The following COLGALT1 variants were observed in gnomAD, a reference collection of about 807,000 sequenced individuals.
COLGALT1 encodes procollagen galactosyltransferase 1.
In COLGALT1, 43 loss-of-function variants were observed where a neutral mutation model predicts 60.8. The ratio of observed to expected loss-of-function variants is 0.71; its 90% CI spans 0.55 to 0.91. COLGALT1 has a LOEUF of 0.91. Ranked by LOEUF, COLGALT1 falls within the 40% of genes least tolerant of loss-of-function variation. COLGALT1 has a pLI of 0.00. For synonymous variants in COLGALT1, 369 were observed against 374.2 expected, an observed-to-expected ratio of 0.99 and a Z score of 0.16; for missense variants, 845 against 880.0, an observed-to-expected ratio of 0.96 and a Z score of 0.50.
At chr19:17,558,567 A>G (rs553338242) in intron 1 of COLGALT1, among the ~76,000 whole-genome samples, 190 of 151,212 alleles carry the variant, frequency 1.3e-3, no homozygotes, top group Non-Finnish European at 2.1e-3. Flanking sequence ...AATCCCAGCT[A>G]CTCGGGAGGC....
chr19:17,577,732 T>C (rs935203597), intron 8 of COLGALT1, among the ~76,000 whole-genome samples: 4 of 150,874 alleles, frequency 2.7e-5, no homozygotes, highest in Admixed American at 1.3e-4. Flanking sequence ...TGGTGGGGAC[T>C]GTGGAGGGGT....
chr19:17,557,648 C>A (rs1003570537), intron 1 of COLGALT1, among the ~76,000 whole-genome samples: 4 of 152,124 alleles, frequency 2.6e-5, no homozygotes, highest in Admixed American at 2.6e-4. Context: ...GTCGCCCAGG[C>A]GGGAGTGCAG....
At chr19:17,571,914 G>A (rs2076314983) in intron 5 of COLGALT1, 1 of 152,314 alleles carries the variant, frequency 6.6e-6, no homozygotes, top group Non-Finnish European at 1.5e-5. Flanking sequence ...TGCCATCATA[G>A]CTCATGGCAG....
chr19:17,571,589 G>A (rs565262374), intron 5 of COLGALT1, among the ~76,000 whole-genome samples: 1 of 151,562 alleles, frequency 6.6e-6, no homozygotes, highest in South Asian at 2.1e-4. Context: ...GTGGTGGCGG[G>A]TGCCTGTAAT....
At chr19:17,565,558 T>C (rs2076275440) in intron 3 of COLGALT1, among the ~76,000 whole-genome samples, 1 of 151,736 alleles carries the variant, frequency 6.6e-6, no homozygotes, top group African/African-American at 2.4e-5. Flanking sequence ...TAATCCCAGC[T>C]ACTCAGGAGG....
chr19:17,582,904 C>G lies in COLGALT1; in HGVS notation c.*1460C>G, dbSNP rs917495781. 1.3e-5 allele frequency: 2 copies of G among 152,500 alleles called. No individual in the cohort carries two copies. Among genetic ancestry groups the G allele is most frequent in the African/African-American group, 4.8e-5 (2 of 41,470 alleles). 9.4% of individuals were successfully genotyped at this position (152,500 alleles called of 1,614,324 possible). A position where few individuals can be genotyped will look rare whatever the true frequency, so the allele number is the denominator to read the frequency against. On this transcript the variant is annotated 3_prime_UTR_variant, in exon 12 of 12. Transcript: ENST00000252599. ...GTGCTTTACCTCCTTGCCCTTGTGT[C>G]TCAGGTGTGGTCCCTGCCTGCTTGA... is the stretch of plus-strand genomic sequence containing the variant.
chr19:17,561,386 A>T (rs879275478), intron 3 of COLGALT1, among the ~76,000 whole-genome samples: 1 of 151,408 alleles, frequency 6.6e-6, no homozygotes, highest in Non-Finnish European at 1.5e-5. Context: ...TGGCCGTGTC[A>T]CGTCTGTTTT....
rs138875135 is a variant in COLGALT1, at chr19:17,572,490, G to C, written c.837G>C (p.Gln279His). The change falls in exon 6 of 12, where the codon CAG becomes CAC. Residue 279 changes from glutamine (Q) to histidine (H), a missense_variant. Coordinates refer to ENST00000252599, the MANE Select transcript of COLGALT1 (RefSeq NM_024656.4). ...FAFSCKQAEV[Q>H]MYVCNKEEYG... ...CTTCCCTGCCCACTGCAGAGGTTCA[G>C]ATGTATGTGTGCAACAAGGAGGAGT... 7.4e-5 allele frequency: 119 copies of C among 1,614,122 alleles called. 1 individual carries two copies. The African/African-American group carries it at 1.5e-3, about 21-fold the overall frequency.
intron 6 of COLGALT1, among the ~76,000 whole-genome samples, chr19:17,576,850 G>C (rs2076344908): frequency 6.7e-6 from 1 of 150,022 alleles, no homozygotes; most frequent in Non-Finnish European, 1.5e-5. Flanking sequence ...CTTAGAGGCG[G>C]GGCTAAGGGC....
At chr19:17,577,895 G>A (rs200905218) in intron 8 of COLGALT1, 62 bp from the exon 9 acceptor site, 44 of 1,557,602 alleles carry the variant, frequency 2.8e-5, no homozygotes, top group Non-Finnish European at 3.2e-5. Context: ...TGGAATGGCC[G>A]GGGATGGCAG....
chr19:17,572,739 G>T (rs182069506), intron 6 of COLGALT1, 137 bp downstream of exon 6: 25 of 1,263,124 alleles, frequency 2.0e-5, no homozygotes, highest in Admixed American at 4.3e-5. Flanking sequence ...GCAACGGCAC[G>T]TGTGAACGAG....
chr19:17,558,415 T>C (rs62119889), intron 1 of COLGALT1, among the ~76,000 whole-genome samples: 131,155 of 148,898 alleles, frequency 0.88, 58,099 homozygotes, highest in Middle Eastern at 0.97. Context: ...CGGTGGCTCA[T>C]TCCTGTCATC....
Position 17,577,453 on chromosome 19 carries a change from G to A in COLGALT1, c.1119G>A (p.Glu373=), listed in dbSNP as rs1210169302. Residue 373 remains glutamate (E), a synonymous_variant, in exon 8 of 12, where the codon GAG becomes GAA. Transcript: ENST00000252599. The stretch of plus-strand genomic sequence containing the variant: ...AGGAGATCGAGTGCCGGCTGGTGGA[G>A]GCCGTGGACGGCAAGTGAGTCCGAG... ...QAQEIECRLV[E]AVDGKAMNTS... 4.8e-6 allele frequency: 7 copies of A among 1,466,796 alleles called. No homozygotes were observed. The highest frequency in any genetic ancestry group is 6.3e-6 in the Non-Finnish European group (7 of 1,110,942). The allele number at this position is 1,466,796 out of a possible 1,614,324, so 90.9% of individuals were successfully genotyped here.
At chr19:17,565,631 C>T (rs912488800) in intron 3 of COLGALT1, among the ~76,000 whole-genome samples, 8 of 152,128 alleles carry the variant, frequency 5.3e-5, no homozygotes, top group African/African-American at 1.9e-4. Context: ...GATCACACCA[C>T]TGCACTTCAG....
intron 3 of COLGALT1, among the ~76,000 whole-genome samples, chr19:17,563,096 C>CT (rs1027260306): frequency 2.0e-5 from 3 of 151,098 alleles, no homozygotes; most frequent in Non-Finnish European, 2.9e-5. Context: ...CTGGCTTTAG[C>CT]TTTTTTTTCC....
intron 10 of COLGALT1, chr19:17,579,899 G>A (rs1436804376): frequency 2.4e-6 from 1 of 416,496 alleles, no homozygotes; most frequent in African/African-American, 2.0e-5. Context: ...ACCCTTGGAA[G>A]CGTAGCAGGA....
chr19:17,579,435 G>T (rs1354393424), intron 9 of COLGALT1, 47 bp from the exon 10 acceptor site: 2 of 1,613,580 alleles, frequency 1.2e-6, no homozygotes, highest in Non-Finnish European at 8.5e-7. Context: ...TTTAGGGTCA[G>T]GCCTGGCCTT....
chr19:17,581,030 C>A (rs758726918), intron 11 of COLGALT1, 125 bp downstream of exon 11: 3 of 1,391,994 alleles, frequency 2.2e-6, no homozygotes, highest in Non-Finnish European at 3.0e-6. Context: ...CCTCCGTTTG[C>A]CCCCTCGCAG....
chr19:17,568,941 T>C (rs2144829892), intron 5 of COLGALT1, among the ~76,000 whole-genome samples: 1 of 152,278 alleles, frequency 6.6e-6, no homozygotes, highest in South Asian at 2.1e-4. Flanking sequence ...TTAAGATCTA[T>C]TGGTTGGTCA....
Sources: allele counts gnomAD v4.1 joint callset (sites outside exome capture counted in the v4.1 genomes callset), GRCh38; gene constraint gnomAD v4.1.1; transcripts MANE v1.5; gene names NCBI Gene and HGNC (gene_info 2026-07-23, HGNC 2026-07-21).